Variants in RBFOX3 observed in about 807,000 individuals in gnomAD.
RBFOX3 encodes RNA binding fox-1 homolog 3, also known as RNA binding protein fox-1 homolog 3.
RBFOX3 carries 17 observed loss-of-function variants against 48.7 expected under a neutral mutation model. That is an observed-to-expected ratio of 0.35 (90% confidence interval 0.24 to 0.52). The LOEUF (loss-of-function observed/expected upper bound fraction) is 0.52, where lower values mean the gene tolerates loss of function less well. RBFOX3 is among the 20% of genes least tolerant of loss of function. RBFOX3 has a pLI of 0.94. For missense variants in RBFOX3, 382 were observed against 497.5 expected, an observed-to-expected ratio of 0.77 and a Z score of 2.21; for synonymous variants, 212 against 209.5, an observed-to-expected ratio of 1.01 and a Z score of -0.10.
chr17:79,101,454 A>AG, intron 9 of RBFOX3, 130 bp downstream of exon 9: 2 of 821,768 alleles, frequency 2.4e-6, no homozygotes, highest in Non-Finnish European at 4.0e-6. Context: ...CGGCAGCCCC[A>AG]GGGCTGGGAC....
At chr17:79,528,069 T>C (rs1439834305) in intron 1 of RBFOX3, among the ~76,000 whole-genome samples, 3 of 151,388 alleles carry the variant, frequency 2.0e-5, no homozygotes, top group African/African-American at 7.4e-5. Context: ...AGGATCTTAG[T>C]TGAAACCCTG....
intron 2 of RBFOX3, among the ~76,000 whole-genome samples, chr17:79,318,796 A>C (rs916844614): frequency 7.2e-6 from 1 of 138,322 alleles, no homozygotes; most frequent in Non-Finnish European, 1.5e-5. Context: ...CAAAGTTTGC[A>C]GTGAGCCGAG....
chr17:79,630,612 C>T, the RBFOX3 span, among the ~76,000 whole-genome samples: 1,177 of 152,232 alleles, frequency 7.7e-3, 8 homozygotes, highest in Middle Eastern at 0.058. Flanking sequence ...TCATCAGGGG[C>T]TTCTCAGGAA....
chr17:79,341,703 A>G (rs1267828368), intron 2 of RBFOX3, among the ~76,000 whole-genome samples: 3 of 150,994 alleles, frequency 2.0e-5, no homozygotes, highest in East Asian at 3.9e-4. Context: ...GGACAGAGCC[A>G]GGGAGCGTCT....
At chr17:79,633,117 C>T in the RBFOX3 span, among the ~76,000 whole-genome samples, 2 of 152,230 alleles carry the variant, frequency 1.3e-5, no homozygotes, top group African/African-American at 2.4e-5. Context: ...ATGTTGGCAA[C>T]GCCCCACAGT....
At chr17:79,628,088 C>T in the RBFOX3 span, among the ~76,000 whole-genome samples, 1 of 152,076 alleles carries the variant, frequency 6.6e-6, no homozygotes, top group South Asian at 2.1e-4. Context: ...CTGCTTTAAG[C>T]ATTTAAAAGC....
At chr17:79,309,149 T>C (rs2145631088) in intron 2 of RBFOX3, among the ~76,000 whole-genome samples, 1 of 150,426 alleles carries the variant, frequency 6.6e-6, no homozygotes, top group East Asian at 1.9e-4. Context: ...AGCCACCCAG[T>C]GTATGACATC....
In RBFOX3 at chr17:79,306,447, C is replaced by A. The variant is rs182821273; in HGVS notation, c.-74+1277G>T. On this transcript the variant is annotated intron_variant, in intron 3 of 14. Transcript: ENST00000693108. ...CAACGGAGCCTGCTGCCAGCCTACC[C>A]TGGCACACCTGCCCTCAGGAGCGCC... 2.5e-4 allele frequency among the ~76,000 whole-genome samples: 38 copies of A among 152,376 alleles called. 1 individual carries two copies. The East Asian group carries it at 7.1e-3, about 29-fold the overall frequency.
intron 3 of RBFOX3, among the ~76,000 whole-genome samples, chr17:79,284,164 A>C (rs1473149655): frequency 1.3e-5 from 2 of 152,108 alleles, no homozygotes; most frequent in African/African-American, 4.8e-5. Flanking sequence ...CAGTACTTAT[A>C]AATGGAGATG....
intron 4 of RBFOX3, among the ~76,000 whole-genome samples, chr17:79,126,775 C>T (rs775938934): frequency 6.6e-6 from 1 of 152,190 alleles, no homozygotes. Context: ...CCTCCCTGAC[C>T]GGCACCCCGG....
At chr17:79,317,128 C>T (rs990314773) in intron 2 of RBFOX3, among the ~76,000 whole-genome samples, 3 of 152,142 alleles carry the variant, frequency 2.0e-5, no homozygotes, top group Admixed American at 6.5e-5. Flanking sequence ...ATCTCCCCCA[C>T]GGCCACCCCC....
At position 79,460,835 on chromosome 17, in the gene RBFOX3, C is replaced by G. The variant is rs1463972425; in HGVS notation, c.-175+21619G>C. Among the ~76,000 whole-genome samples the G allele has an allele frequency of 5.3e-5, 8 of 152,192 alleles. No homozygotes were observed. In the South Asian group the frequency reaches 1.2e-3, roughly 24 times the overall value. On this transcript the variant is annotated intron_variant, in intron 2 of 14. Transcript: ENST00000693108. The stretch of plus-strand genomic sequence containing the variant: ...CCAGATGCCAGGGCCATGTTCTTGG[C>G]CTTCCCAACCTCTAGAAGCAAGGAC...
intron 2 of RBFOX3, among the ~76,000 whole-genome samples, chr17:79,395,167 G>A (rs2061838183): frequency 6.6e-6 from 1 of 152,254 alleles, no homozygotes; most frequent in South Asian, 2.1e-4. Flanking sequence ...AGGGCTAGAT[G>A]TTTTTGTTAG....
At chr17:79,354,029 A>G (rs2084480022) in intron 2 of RBFOX3, among the ~76,000 whole-genome samples, 1 of 152,176 alleles carries the variant, frequency 6.6e-6, no homozygotes, top group Non-Finnish European at 1.5e-5. Flanking sequence ...TTTTACACTC[A>G]TAGTGGGATG....
At chr17:79,322,412 T>C (rs888016644) in intron 2 of RBFOX3, among the ~76,000 whole-genome samples, 1 of 152,166 alleles carries the variant, frequency 6.6e-6, no homozygotes, top group African/African-American at 2.4e-5. Flanking sequence ...CCAGGCAAGC[T>C]TCCAAGCACA....
intron 4 of RBFOX3, among the ~76,000 whole-genome samples, chr17:79,185,685 TGCCATTATG>T (rs1240906056): frequency 1.3e-5 from 2 of 152,228 alleles, no homozygotes; most frequent in African/African-American, 4.8e-5. Flanking sequence ...CTCATTAATT[TGCCATTATG>T]ACCATTATGA....
intron 2 of RBFOX3, among the ~76,000 whole-genome samples, chr17:79,407,266 C>T (rs2063672341): frequency 6.6e-6 from 1 of 152,248 alleles, no homozygotes; most frequent in African/African-American, 2.4e-5. Flanking sequence ...CCTCGGCCTC[C>T]CAAAGTGCCG....
intron 4 of RBFOX3, among the ~76,000 whole-genome samples, chr17:79,187,487 A>G (rs2612769): frequency 0.64 from 96,653 of 151,760 alleles, 31,298 homozygotes; most frequent in South Asian, 0.75. Context: ...CCGCAGAGCC[A>G]GACCTTCCTG....
intron 2 of RBFOX3, among the ~76,000 whole-genome samples, chr17:79,470,796 A>G (rs962231037): frequency 1.3e-5 from 2 of 152,238 alleles, no homozygotes; most frequent in Non-Finnish European, 2.9e-5. Flanking sequence ...GACTTCAAAG[A>G]AATGTCATCC....
Sources: allele counts gnomAD v4.1 joint callset (sites outside exome capture counted in the v4.1 genomes callset), GRCh38; gene constraint gnomAD v4.1.1; transcripts MANE v1.5; gene names NCBI Gene and HGNC (gene_info 2026-07-23, HGNC 2026-07-21).